The following ROBO2 variants were observed in gnomAD, a reference collection of about 807,000 sequenced individuals.
ROBO2 encodes roundabout guidance receptor 2, also known as roundabout homolog 2.
A neutral mutation model predicts 160.8 loss-of-function variants in ROBO2; 53 were observed. The observed-to-expected ratio is 0.33, with a 90% CI of 0.26 to 0.41. The LOEUF (loss-of-function observed/expected upper bound fraction) is 0.41, where lower values mean the gene tolerates loss of function less well. Ranked by LOEUF, ROBO2 falls within the 10% of genes least tolerant of loss-of-function variation. ROBO2 has a pLI of 1.00. For synonymous variants in ROBO2, 664 were observed against 611.7 expected, an observed-to-expected ratio of 1.09 and a Z score of -1.26; for missense variants, 1,577 against 1,722.4, an observed-to-expected ratio of 0.92 and a Z score of 1.49.
intron 2 of ROBO2, among the ~76,000 whole-genome samples, chr3:77,025,923 T>C (rs1032280246): frequency 1.3e-5 from 2 of 152,216 alleles, no homozygotes; most frequent in Non-Finnish European, 2.9e-5. Context: ...TTAATTCTGC[T>C]ACAAGCACCT....
chr3:76,928,827 C>G lies in ROBO2; in HGVS notation c.110-169187C>G, dbSNP rs537891144. On this transcript the variant is annotated intron_variant, in intron 2 of 26. Transcript: ENST00000487694. ...CATTGTCTCTCACCTCCGTGGTTAA[C>G]TCATCTCATCTAATGGTTTTAAATA... Among the ~76,000 whole-genome samples, 3 of 152,300 alleles carry G rather than the reference C, an allele frequency of 2.0e-5. No homozygotes were observed. In the South Asian group the frequency reaches 6.2e-4, roughly 32 times the overall value.
chr3:77,470,554 C>A (rs1582225842), intron 2 of ROBO2, among the ~76,000 whole-genome samples: 1 of 152,228 alleles, frequency 6.6e-6, no homozygotes, highest in East Asian at 1.9e-4. Flanking sequence ...ATCTTTGGCA[C>A]ATAGTATGTA....
At chr3:77,336,598 T>C (rs1053425874) in intron 2 of ROBO2, among the ~76,000 whole-genome samples, 1 of 152,080 alleles carries the variant, frequency 6.6e-6, no homozygotes, top group African/African-American at 2.4e-5. Context: ...GAAAGATGAT[T>C]AGTGTATTGA....
chr3:77,116,219 T>C (rs1436382912), intron 2 of ROBO2, among the ~76,000 whole-genome samples: 1 of 152,188 alleles, frequency 6.6e-6, no homozygotes, highest in Non-Finnish European at 1.5e-5. Flanking sequence ...AGTTGGTCTT[T>C]ATAATCACAT....
At chr3:76,715,237 T>G (rs752669133) in intron 2 of ROBO2, among the ~76,000 whole-genome samples, 24 of 152,208 alleles carry the variant, frequency 1.6e-4, no homozygotes, top group Admixed American at 2.0e-4. Flanking sequence ...GCTCAAATTC[T>G]AAGGAAAAAA....
intron 2 of ROBO2, among the ~76,000 whole-genome samples, chr3:77,125,907 T>C (rs904303169): frequency 2.6e-5 from 4 of 152,154 alleles, no homozygotes; most frequent in African/African-American, 9.7e-5. Flanking sequence ...TGAAGTACTA[T>C]TAGTTGTTTC....
At chr3:76,481,856 C>T (rs2079226857) in intron 2 of ROBO2, among the ~76,000 whole-genome samples, 1 of 152,090 alleles carries the variant, frequency 6.6e-6, no homozygotes, top group Non-Finnish European at 1.5e-5. Context: ...TTCAAAGACC[C>T]TGAAGATCTC....
intron 2 of ROBO2, among the ~76,000 whole-genome samples, chr3:76,797,096 G>T (rs2063756383): frequency 6.6e-6 from 1 of 152,032 alleles, no homozygotes; most frequent in Admixed American, 6.6e-5. Flanking sequence ...AAATCAAATG[G>T]ACCTAACAGA....
At position 77,010,407 on chromosome 3, in the gene ROBO2, A is replaced by G. The variant is rs1051263953; in HGVS notation, c.110-87607A>G. 3.3e-5 allele frequency among the ~76,000 whole-genome samples: 5 copies of G among 152,032 alleles called. No individual in the cohort carries two copies. The East Asian group carries it at 7.7e-4, about 23-fold the overall frequency. On this transcript the variant is annotated intron_variant, in intron 2 of 26. Coordinates refer to the ROBO2 transcript ENST00000487694. The stretch of plus-strand genomic sequence containing the variant: ...AAAACTAAACTAAAATTAGATCACA[A>G]CTCTGCTGCTTAACATTCTCCAAAG...
chr3:76,298,093 A>G (rs948474740), intron 2 of ROBO2, among the ~76,000 whole-genome samples: 1 of 152,176 alleles, frequency 6.6e-6, no homozygotes, highest in Non-Finnish European at 1.5e-5. Flanking sequence ...TGAAATAATA[A>G]AATAGTACAG....
chr3:76,555,362 AGAAGAAGAAGAAG>A (rs1357877864), intron 2 of ROBO2, among the ~76,000 whole-genome samples: 1,090 of 50,532 alleles, frequency 0.022, 18 homozygotes, highest in African/African-American at 0.04. Context: ...GGAAGAGAGA[AGAAGAAGAAGAAG>A]AAGAAGAAGA....
intron 2 of ROBO2, among the ~76,000 whole-genome samples, chr3:77,263,596 T>C (rs996187926): frequency 1.3e-5 from 2 of 152,252 alleles, no homozygotes; most frequent in Non-Finnish European, 1.5e-5. Flanking sequence ...CGTTCTTTTA[T>C]GGCTGCATAG....
intron 2 of ROBO2, among the ~76,000 whole-genome samples, chr3:76,790,582 C>G (rs894445749): frequency 6.6e-6 from 1 of 151,712 alleles, no homozygotes; most frequent in Non-Finnish European, 1.5e-5. Context: ...TAAACATGCT[C>G]AGAACATTGT....
chr3:77,635,425 GA>G (rs1267071120), intron 24 of ROBO2, among the ~76,000 whole-genome samples: 3 of 151,554 alleles, frequency 2.0e-5, no homozygotes, highest in Non-Finnish European at 4.4e-5. Flanking sequence ...TTCACTTTTG[GA>G]AAAAAAGACT....
chr3:76,773,149 C>T (rs1015517483), intron 2 of ROBO2, among the ~76,000 whole-genome samples: 4 of 150,992 alleles, frequency 2.6e-5, no homozygotes, highest in African/African-American at 9.7e-5. Context: ...GTCAAAACCT[C>T]TTAATCAATA....
rs1020432148 is a variant in ROBO2, at chr3:76,318,288, G to A, written c.109+380686G>A. ...TAGCAGACGGTTGCACCACTTTGAA[G>A]AAAACGATGTTGGGAAGCGTATGTT... On this transcript the variant is annotated intron_variant, in intron 2 of 26. Coordinates refer to the ROBO2 transcript ENST00000487694. Among the ~76,000 whole-genome samples the A allele has an allele frequency of 2.6e-5, 4 of 152,100 alleles. No homozygotes were observed. The East Asian group carries it at 7.7e-4, about 29-fold the overall frequency.
chr3:76,219,010 A>C (rs140726263), intron 2 of ROBO2, among the ~76,000 whole-genome samples: 2 of 152,214 alleles, frequency 1.3e-5, no homozygotes, highest in African/African-American at 2.4e-5. Flanking sequence ...GTAATGCCGC[A>C]TATCTACAAC....
intron 2 of ROBO2, among the ~76,000 whole-genome samples, chr3:76,313,504 T>C (rs2071746565): frequency 6.6e-6 from 1 of 152,194 alleles, no homozygotes; most frequent in Non-Finnish European, 1.5e-5. Context: ...GCAGAGGTGT[T>C]CTACACATGA....
At chr3:76,907,823 G>GGTGTGTGTGTGTGTGTGTGTGT (rs71104638) in intron 2 of ROBO2, among the ~76,000 whole-genome samples, 5 of 145,526 alleles carry the variant, frequency 3.4e-5, no homozygotes, top group African/African-American at 1.3e-4. Flanking sequence ...GTTTGTTTGG[G>GGTGTGTGTGTGTGTGTGTGTGT]GTGTGTGTGT....
Sources: allele counts gnomAD v4.1 joint callset (sites outside exome capture counted in the v4.1 genomes callset), GRCh38; gene constraint gnomAD v4.1.1; transcripts MANE v1.5; gene names NCBI Gene and HGNC (gene_info 2026-07-23, HGNC 2026-07-21).